ASIC2: variants seen among roughly 807,000 people sequenced by gnomAD.
ASIC2 encodes the protein acid sensing ion channel subunit 2.
Under a neutral mutation model 57.3 loss-of-function variants are expected in ASIC2, and 25 were observed. The ratio of observed to expected loss-of-function variants is 0.44; its 90% CI spans 0.32 to 0.61. The LOEUF is 0.61. ASIC2 is among the 20% of genes least tolerant of loss of function. ASIC2 has a pLI of 0.06. For synonymous variants in ASIC2, 319 were observed against 307.5 expected, an observed-to-expected ratio of 1.04 and a Z score of -0.39; for missense variants, 641 against 738.1, an observed-to-expected ratio of 0.87 and a Z score of 1.52.
intron 1 of ASIC2, among the ~76,000 whole-genome samples, chr17:33,455,271 G>A (rs1347655837): frequency 6.6e-6 from 1 of 152,144 alleles, no homozygotes; most frequent in Non-Finnish European, 1.5e-5. Flanking sequence ...CTGAAATTTG[G>A]GGTGTGAATG....
Position 33,018,223 on chromosome 17 carries a change from G to A in ASIC2, c.1442-539C>T, listed in dbSNP as rs143984401. Among the ~76,000 whole-genome samples, 976 of 152,302 alleles carry A rather than the reference G, an allele frequency of 6.4e-3. 2 individuals carry two copies. The highest frequency in any genetic ancestry group is 8.9e-3 in the Non-Finnish European group (606 of 68,028). On this transcript the variant is annotated intron_variant, in intron 7 of 9. Coordinates refer to ENST00000225823, the MANE Select transcript of ASIC2 (RefSeq NM_183377.2). ...AATTTTGACTCTTTCTAGAGCTGAG[G>A]TTCTTACTCTGGGGTTTATAGGCCC...
intron 1 of ASIC2, among the ~76,000 whole-genome samples, chr17:33,385,325 G>A (rs1176083318): frequency 2.0e-5 from 3 of 152,012 alleles, no homozygotes; most frequent in South Asian, 2.1e-4. Flanking sequence ...GTTTCACCAG[G>A]AGCTGTTCTT....
chr17:33,923,413 T>C (rs1915751533), intron 1 of ASIC2, among the ~76,000 whole-genome samples: 1 of 152,116 alleles, frequency 6.6e-6, no homozygotes. Context: ...AGTCCAAGGG[T>C]CTCATTTTAC....
intron 1 of ASIC2, among the ~76,000 whole-genome samples, chr17:33,320,696 C>T (rs1463997033): frequency 6.6e-6 from 1 of 152,184 alleles, no homozygotes; most frequent in Admixed American, 6.5e-5. Context: ...CATGATGTGT[C>T]TGTTCTCTAT....
chr17:33,032,964 T>C (rs746724265), intron 3 of ASIC2, among the ~76,000 whole-genome samples: 2 of 152,166 alleles, frequency 1.3e-5, no homozygotes, highest in Non-Finnish European at 2.9e-5. Context: ...AATTTCTCAG[T>C]TTTCATTTAA....
chr17:33,590,152 G>A (rs1904778453), intron 1 of ASIC2, among the ~76,000 whole-genome samples: 1 of 152,126 alleles, frequency 6.6e-6, no homozygotes, highest in Admixed American at 6.5e-5. Context: ...GGTACCCTGT[G>A]GGACATGCCC....
Position 33,436,853 on chromosome 17 carries a change from C to CTTTTTT in ASIC2, c.556-324792_556-324787dup, listed in dbSNP as rs71144877. Reference sequence around the variant, plus strand: ...AATGCCTTAAAACACATTCCAACTTCTTTTTTTTTTTTTTTTTTTTTTTTT... The same window carrying CTTTTTT: ...AATGCCTTAAAACACATTCCAACTTCTTTTTTTTTTTTTTTTTTTTTTTTTTTTTTT... On this transcript the variant is annotated intron_variant, in intron 1 of 9. Coordinates refer to the ASIC2 transcript ENST00000359872. Among the ~76,000 whole-genome samples, 515 of 66,562 alleles carry CTTTTTT rather than the reference C, an allele frequency of 7.7e-3. 29 individuals are homozygous for CTTTTTT. Among genetic ancestry groups the CTTTTTT allele is most frequent in the East Asian group, 0.011 (21 of 1,876 alleles). The allele number at this position is 66,562 out of a possible 152,430, so 43.7% of individuals were successfully genotyped here.
intron 1 of ASIC2, among the ~76,000 whole-genome samples, chr17:33,827,262 G>A (rs954382780): frequency 6.6e-6 from 1 of 151,804 alleles, no homozygotes; most frequent in Non-Finnish European, 1.5e-5. Context: ...ATTGGACAGG[G>A]AGACAAAGAC....
intron 1 of ASIC2, among the ~76,000 whole-genome samples, chr17:33,679,731 C>T (rs7224514): frequency 0.046 from 6,973 of 152,084 alleles, 390 homozygotes; most frequent in African/African-American, 0.13. Context: ...GCAGGCCAGG[C>T]GAAGGCAGAG....
At chr17:34,104,066 T>C (rs1239594008) in intron 1 of ASIC2, among the ~76,000 whole-genome samples, 2 of 152,162 alleles carry the variant, frequency 1.3e-5, no homozygotes, top group South Asian at 2.1e-4. Flanking sequence ...CCTAACAATA[T>C]TGAATTTTCC....
At chr17:33,831,206 C>T (rs1597894268) in intron 1 of ASIC2, among the ~76,000 whole-genome samples, 1 of 141,700 alleles carries the variant, frequency 7.1e-6, no homozygotes, top group Non-Finnish European at 1.5e-5. Flanking sequence ...TTTATATTTG[C>T]ATATAAATTA....
rs376192495 is a variant in ASIC2, at chr17:33,301,116, G to A, written c.556-189049C>T. 1.0e-3 allele frequency among the ~76,000 whole-genome samples: 153 copies of A among 151,700 alleles called. 1 individual carries two copies. Among genetic ancestry groups the A allele is most frequent in the African/African-American group, 3.6e-3 (148 of 41,364 alleles). On this transcript the variant is annotated intron_variant, in intron 1 of 9. Coordinates refer to the ASIC2 transcript ENST00000359872. ...GTGATCTCGACTCACGGCAACCTCCGCCTCCTCAGTTCAGGAGATCCTCAC... is the reference window on the plus strand; with the variant it reads ...GTGATCTCGACTCACGGCAACCTCCACCTCCTCAGTTCAGGAGATCCTCAC...
At chr17:34,105,594 T>C (rs1459076712) in intron 1 of ASIC2, among the ~76,000 whole-genome samples, 1 of 151,786 alleles carries the variant, frequency 6.6e-6, no homozygotes, top group Admixed American at 6.6e-5. Context: ...TTGTTTCCTC[T>C]AAGCACTGAA....
chr17:33,589,899 A>G (rs189479811), intron 1 of ASIC2, among the ~76,000 whole-genome samples: 358 of 152,318 alleles, frequency 2.4e-3, no homozygotes, highest in African/African-American at 8.0e-3. Context: ...AGATCATATG[A>G]TAATTCTATT....
chr17:33,144,394 T>A (rs1187008556), intron 1 of ASIC2, among the ~76,000 whole-genome samples: 1 of 151,926 alleles, frequency 6.6e-6, no homozygotes, highest in East Asian at 1.9e-4. Flanking sequence ...AGGAGTTGGG[T>A]GCTTGTGAGC....
At chr17:33,139,895 C>T (rs560496067) in intron 1 of ASIC2, among the ~76,000 whole-genome samples, 14 of 152,344 alleles carry the variant, frequency 9.2e-5, no homozygotes, top group Admixed American at 2.0e-4. Flanking sequence ...AGTCCCTTCA[C>T]GGTACAGAAA....
At chr17:33,758,740 C>T (rs1019887776) in intron 1 of ASIC2, among the ~76,000 whole-genome samples, 2 of 152,098 alleles carry the variant, frequency 1.3e-5, no homozygotes, top group African/African-American at 4.8e-5. Context: ...CCATGTGATA[C>T]CCTGTGCCGC....
chr17:33,191,609 A>G (rs1378494467), intron 1 of ASIC2, among the ~76,000 whole-genome samples: 7 of 151,792 alleles, frequency 4.6e-5, no homozygotes, highest in Admixed American at 3.9e-4. Context: ...AACAAGAGGG[A>G]GGAGAATGAG....
intron 1 of ASIC2, among the ~76,000 whole-genome samples, chr17:33,780,505 G>A (rs1009333408): frequency 1.3e-5 from 2 of 152,212 alleles, no homozygotes; most frequent in African/African-American, 2.4e-5. Context: ...TACTCCAGGT[G>A]TAATAATATA....
Sources: gnomAD v4.1 joint callset for allele counts (sites outside exome capture counted in the v4.1 genomes callset) on GRCh38, gnomAD v4.1.1 for gene constraint, MANE v1.5 for transcripts, NCBI Gene and HGNC (gene_info 2026-07-23, HGNC 2026-07-21) for gene names.